NXPH1: variants seen among roughly 807,000 people sequenced by gnomAD.
NXPH1 encodes the protein neurexophilin 1, also known as neurexophilin-1.
A neutral mutation model predicts 23.7 loss-of-function variants in NXPH1; 5 were observed. The observed-to-expected ratio is 0.21, with a 90% CI of 0.11 to 0.44. The LOEUF is 0.44. Among genes scored for constraint, NXPH1 ranks in the 20% least tolerant of loss-of-function variants. The pLI, the probability that NXPH1 is intolerant of heterozygous loss-of-function variation, is 0.99. For synonymous variants in NXPH1, 144 were observed against 122.2 expected, an observed-to-expected ratio of 1.18 and a Z score of -1.18; for missense variants, 324 against 321.6, an observed-to-expected ratio of 1.01 and a Z score of -0.06.
At chr7:8,541,231 T>C (rs1818112006) in intron 2 of NXPH1, among the ~76,000 whole-genome samples, 1 of 151,630 alleles carries the variant, frequency 6.6e-6, no homozygotes, top group South Asian at 2.1e-4. Flanking sequence ...AAAAAAGACC[T>C]AAATTAAACT....
At chr7:8,471,844 A>T (rs1256226844) in intron 2 of NXPH1, among the ~76,000 whole-genome samples, 1 of 152,082 alleles carries the variant, frequency 6.6e-6, no homozygotes, top group Admixed American at 6.6e-5. Context: ...TTTTCATTTA[A>T]AATAACAAGT....
intron 2 of NXPH1, among the ~76,000 whole-genome samples, chr7:8,512,444 G>A (rs559957307): frequency 6.6e-6 from 1 of 152,206 alleles, no homozygotes; most frequent in South Asian, 2.1e-4. Flanking sequence ...TTTGAACACA[G>A]TCTAATTAGA....
intron 2 of NXPH1, among the ~76,000 whole-genome samples, chr7:8,572,531 T>G (rs990263445): frequency 2.0e-5 from 3 of 151,940 alleles, no homozygotes; most frequent in African/African-American, 7.3e-5. Flanking sequence ...AGTCTATTAT[T>G]AAGGTGTAAG....
chr7:8,505,102 T>C (rs1817500366), intron 2 of NXPH1, among the ~76,000 whole-genome samples: 1 of 152,044 alleles, frequency 6.6e-6, no homozygotes, highest in Admixed American at 6.6e-5. Context: ...CAATTTTTTG[T>C]CATTTTTTGG....
intron 2 of NXPH1, among the ~76,000 whole-genome samples, chr7:8,626,382 T>C (rs1307200322): frequency 6.6e-6 from 1 of 151,366 alleles, no homozygotes; most frequent in Non-Finnish European, 1.5e-5. Flanking sequence ...TCATGCAGTT[T>C]ACTTTTTTTT....
rs186218947 is a variant in NXPH1 at position 8,712,879 on chromosome 7, A to T, written c.55-38129A>T. Among the ~76,000 whole-genome samples, 290 of 152,232 alleles carry T rather than the reference A, an allele frequency of 1.9e-3. 1 individual carries two copies. Among genetic ancestry groups the T allele is most frequent in the African/African-American group, 6.5e-3 (269 of 41,546 alleles). ...ACTCCTGACCTTTGACAGTTTGGTT[A>T]TAAAATGCATTGAGGTAGTCTTCTT... On this transcript the variant is annotated intron_variant, in intron 2 of 2. Transcript: ENST00000405863.
At chr7:8,458,357 A>G (rs989208234) in intron 2 of NXPH1, among the ~76,000 whole-genome samples, 2 of 152,196 alleles carry the variant, frequency 1.3e-5, no homozygotes, top group Non-Finnish European at 2.9e-5. Flanking sequence ...TATATACTGG[A>G]CCATAATTAA....
At chr7:8,704,763 A>T (rs894621566) in intron 2 of NXPH1, among the ~76,000 whole-genome samples, 1 of 151,606 alleles carries the variant, frequency 6.6e-6, no homozygotes, top group Non-Finnish European at 1.5e-5. Flanking sequence ...AAAAAAAAAG[A>T]TAAAATTGTA....
At chr7:8,564,821 C>T (rs1290633247) in intron 2 of NXPH1, among the ~76,000 whole-genome samples, 3 of 151,696 alleles carry the variant, frequency 2.0e-5, no homozygotes, top group Admixed American at 6.6e-5. Flanking sequence ...TTTTTAGAAA[C>T]CAGAGTTTGT....
chr7:8,693,201 A>G (rs1203919645), intron 2 of NXPH1, among the ~76,000 whole-genome samples: 1 of 152,196 alleles, frequency 6.6e-6, no homozygotes, highest in Admixed American at 6.5e-5. Context: ...AACAAAAAAA[A>G]CAAACCTCAG....
intron 2 of NXPH1, among the ~76,000 whole-genome samples, chr7:8,530,767 A>AT (rs1358696281): frequency 6.6e-6 from 1 of 152,218 alleles, no homozygotes; most frequent in African/African-American, 2.4e-5. Context: ...GGCATCATCT[A>AT]TTCAGACATC....
chr7:8,513,332 A>G (rs967169593), intron 2 of NXPH1, among the ~76,000 whole-genome samples: 9 of 152,144 alleles, frequency 5.9e-5, no homozygotes, highest in African/African-American at 2.2e-4. Context: ...GCAATTCTGA[A>G]TTCCCCACAT....
intron 2 of NXPH1, among the ~76,000 whole-genome samples, chr7:8,727,514 A>G (rs923067477): frequency 3.3e-5 from 5 of 151,186 alleles, no homozygotes; most frequent in African/African-American, 1.2e-4. Context: ...TGATTTTTGT[A>G]TAAGGTGTAA....
At chr7:8,505,651 T>A (rs1029654897) in intron 2 of NXPH1, among the ~76,000 whole-genome samples, 4 of 152,112 alleles carry the variant, frequency 2.6e-5, no homozygotes, top group Non-Finnish European at 5.9e-5. Context: ...TTGTGCCCAT[T>A]AGGTTTCTTA....
chr7:8,667,179 C>T (rs993109732), intron 2 of NXPH1, among the ~76,000 whole-genome samples: 1 of 151,770 alleles, frequency 6.6e-6, no homozygotes, highest in Non-Finnish European at 1.5e-5. Context: ...TTTTTAAATA[C>T]TTTTGCATTT....
chr7:8,685,713 A>G lies in NXPH1; in HGVS notation c.55-65295A>G, dbSNP rs556373065. ...TTCTCCACAGCGGTTGTACTAATTT[A>G]CATTCCCACCAATTGAACTCATCGA... On this transcript the variant is annotated intron_variant, in intron 2 of 2. Coordinates refer to ENST00000405863, the MANE Select transcript of NXPH1 (RefSeq NM_152745.3). Among the ~76,000 whole-genome samples, 75 of 152,180 alleles carry G rather than the reference A, an allele frequency of 4.9e-4. No homozygotes were observed. In the South Asian group the frequency reaches 8.1e-3, roughly 16 times the overall value.
At chr7:8,573,976 C>T (rs1818702506) in intron 2 of NXPH1, among the ~76,000 whole-genome samples, 1 of 152,052 alleles carries the variant, frequency 6.6e-6, no homozygotes, top group Non-Finnish European at 1.5e-5. Context: ...AAGGTGTACT[C>T]TGGTGGTATA....
chr7:8,575,568 A>G (rs1181784076), intron 2 of NXPH1, among the ~76,000 whole-genome samples: 1 of 152,192 alleles, frequency 6.6e-6, no homozygotes, highest in African/African-American at 2.4e-5. Flanking sequence ...GTCTGCTGCT[A>G]ACTTTTCTGC....
At chr7:8,750,323 A>G (rs1354280357) in intron 2 of NXPH1, among the ~76,000 whole-genome samples, 2 of 152,168 alleles carry the variant, frequency 1.3e-5, no homozygotes, top group African/African-American at 4.8e-5. Context: ...TTTATTTCAT[A>G]TTTATATATT....
Sources: allele counts gnomAD v4.1 joint callset (sites outside exome capture counted in the v4.1 genomes callset), GRCh38; gene constraint gnomAD v4.1.1; transcripts MANE v1.5; gene names NCBI Gene and HGNC (gene_info 2026-07-23, HGNC 2026-07-21).